PLXNB2: variants seen among roughly 807,000 people sequenced by gnomAD.
PLXNB2 encodes plexin-B2.
In PLXNB2, 85 loss-of-function variants were observed where a neutral mutation model predicts 202.6. The observed-to-expected ratio is 0.42, with a 90% CI of 0.35 to 0.50. The LOEUF (loss-of-function observed/expected upper bound fraction) is 0.50. PLXNB2 is among the 20% of genes least tolerant of loss of function. PLXNB2 has a pLI of 0.02. For missense variants in PLXNB2, 2,063 were observed against 2,586.2 expected (o/e 0.80, Z 4.39); for synonymous variants, 1,239 against 1,137.6 (o/e 1.09, Z -1.79).
Position 50,287,122 on chromosome 22 carries a change from G to A in PLXNB2, c.1751C>T (p.Pro584Leu), listed in dbSNP as rs557311559. 46 of 1,523,896 alleles carry A rather than the reference G, an allele frequency of 3.0e-5. No individual in the cohort carries two copies. Among genetic ancestry groups the A allele is most frequent in the African/African-American group, 1.8e-4 (13 of 72,380 alleles). The allele number at this position is 1,523,896 out of a possible 1,614,324, so 94.4% of individuals were successfully genotyped here. A position where few individuals can be genotyped will look rare whatever the true frequency, so the allele number is the denominator to read the frequency against. The change falls in exon 8 of 37, where the codon CCG becomes CTG. Residue 584 changes from proline to leucine, a missense_variant. Physicochemically the swap from Pro to Leu is moderately conservative, Grantham distance 98. This residue lies in a region of PLXNB2 where 1,303 missense variants were observed against 1,476.8 expected (regional missense o/e 0.88). Coordinates refer to ENST00000359337, the MANE Select transcript of PLXNB2 (RefSeq NM_012401.4). Reference sequence around the variant, plus strand: ...GGAAGGGGCCTCACCCTGGCCTGGCGGTGTGACGGGGATGCTGCTTGGGGA... The same window carrying A: ...GGAAGGGGCCTCACCCTGGCCTGGCAGTGTGACGGGGATGCTGCTTGGGGA... ...CNSPSSIPVT[P>L]PGQDHVAVTI... is the part of the protein sequence containing the mutation.
Position 50,288,715 on chromosome 22 carries a change from G to C in PLXNB2, c.1380+28C>G. 1 of 1,611,448 alleles carries C rather than the reference G, an allele frequency of 6.2e-7. No individual in the cohort carries two copies. Among genetic ancestry groups the C allele is most frequent in the Non-Finnish European group, 8.5e-7 (1 of 1,179,366 alleles). ...AATGACCGGGCACACTTGGCCTAGAGTGCTCTCCGGGGCTGCGTCTGGCTC... is the reference window on the plus strand; with the variant it reads ...AATGACCGGGCACACTTGGCCTAGACTGCTCTCCGGGGCTGCGTCTGGCTC... On this transcript the variant is annotated intron_variant, in intron 5 of 36. Coordinates refer to ENST00000359337, the MANE Select transcript of PLXNB2 (RefSeq NM_012401.4). The surrounding 1 kb of genome is among the most constrained non-coding windows in gnomAD (Gnocchi z 5.0).
rs747469276 is a variant in PLXNB2 at position 50,284,110 on chromosome 22, C to G, written c.2263+22G>C. The G allele has an allele frequency of 6.2e-7, 1 of 1,607,648 alleles. No individual in the cohort carries two copies. The highest frequency in any genetic ancestry group is 8.5e-7 in the Non-Finnish European group (1 of 1,178,288). ...TGCCCACCCGTCCCCTGCCCGCCCC[C>G]CACTGCGCCCGTGGCCCCCACCATG... On this transcript the variant is annotated intron_variant, in intron 13 of 36. Transcript: ENST00000359337. This position sits in a 1 kb window ranked among gnomAD's most constrained non-coding sequence, Gnocchi z 8.0.
At position 50,297,292 on chromosome 22, in the gene PLXNB2, C is replaced by T. The variant is rs984387665; in HGVS notation, c.-73-2514G>A. 1.3e-5 allele frequency among the ~76,000 whole-genome samples: 2 copies of T among 152,182 alleles called. No homozygotes were observed. Among genetic ancestry groups the T allele is most frequent in the African/African-American group, 4.8e-5 (2 of 41,436 alleles). On this transcript the variant is annotated intron_variant, in intron 1 of 36. Transcript: ENST00000359337. This position sits in a 1 kb window ranked among gnomAD's most constrained non-coding sequence, Gnocchi z 5.3. The stretch of plus-strand genomic sequence containing the variant: ...CACGGGCCCAGGCCCCAGGCGTGGG[C>T]GGGGGCAGCCAAGGTCAGGGGAGGC...
At chr22:50,302,026 G>A (rs904692567) in intron 1 of PLXNB2, among the ~76,000 whole-genome samples, 4 of 152,248 alleles carry the variant, frequency 2.6e-5, no homozygotes, top group South Asian at 2.1e-4. Flanking sequence ...GCCTCAGGCC[G>A]GGGCACTTGG....
intron 1 of PLXNB2, among the ~76,000 whole-genome samples, chr22:50,296,285 A>G (rs1477975706): frequency 6.9e-5 from 10 of 144,668 alleles, no homozygotes; most frequent in African/African-American, 2.9e-4. Flanking sequence ...GTGTGGTGGT[A>G]CAGCCTGAAG....
intron 8 of PLXNB2, among the ~76,000 whole-genome samples, chr22:50,286,695 G>A (rs1307577420): frequency 6.6e-6 from 1 of 152,224 alleles, no homozygotes; most frequent in Non-Finnish European, 1.5e-5. Flanking sequence ...CAAAACTCAG[G>A]GGACATGGGC....
chr22:50,305,189 C>A (rs1318658159), intron 1 of PLXNB2, among the ~76,000 whole-genome samples: 2 of 152,226 alleles, frequency 1.3e-5, no homozygotes, highest in African/African-American at 4.8e-5. Flanking sequence ...CAGGGTGAGG[C>A]AGGGGGCAGG....
rs2066787922 is a variant in PLXNB2 at position 50,290,498 on chromosome 22, G to C, written c.87C>G (p.Arg29=). 6.2e-7 allele frequency: 1 copy of C among 1,612,684 alleles called. No individual in the cohort carries two copies. The highest frequency in any genetic ancestry group is 1.3e-5 in the African/African-American group (1 of 74,944). Residue 29 remains arginine (R), a synonymous_variant, in exon 3 of 37, where the codon CGC becomes CGG. Coordinates refer to ENST00000359337, the MANE Select transcript of PLXNB2 (RefSeq NM_012401.4). ...CCAGGTGGTTCAGCTCTTTCTCGCT[G>C]CGGAAGAAGTCCAGCTTGCGGGGCC... ...SLRPRKLDFF[R]SEKELNHLAV... is the part of the protein sequence containing the mutation.
intron 1 of PLXNB2, among the ~76,000 whole-genome samples, chr22:50,296,578 A>G (rs901520573): frequency 7.0e-6 from 1 of 143,392 alleles, no homozygotes; most frequent in African/African-American, 2.7e-5. Context: ...GGGAAAGAGC[A>G]AGACTCTGTC....
rs1014216734 is a variant in PLXNB2, at chr22:50,307,306, G to A, written c.-74+247C>T. Among the ~76,000 whole-genome samples the A allele has an allele frequency of 6.6e-5, 10 of 151,994 alleles. 1 individual carries two copies. Among genetic ancestry groups the A allele is most frequent in the Admixed American group, 5.2e-4 (8 of 15,280 alleles). ...GGATCCGACGCGGCTCCGGAGGGAC[G>A]CGCAGCCCCCGCCGCCGGGCCCGTC... On this transcript the variant is annotated intron_variant, in intron 1 of 36. Transcript: ENST00000359337.
rs201443345 is a variant in PLXNB2 at position 50,293,473 on chromosome 22, CT to C, written c.-14+1245del. ...CAGGCAACGTCCAGGCCCCTCGGCC[CT>C]GCGCCCAGGCCTGCTGCCCTCCCCT... On this transcript the variant is annotated intron_variant, in intron 2 of 36. Transcript: ENST00000359337. 2.1e-3 allele frequency among the ~76,000 whole-genome samples: 318 copies of C among 152,302 alleles called. 1 individual carries two copies. The highest frequency in any genetic ancestry group is 7.3e-3 in the African/African-American group (302 of 41,570).
chr22:50,285,978 G>T lies in PLXNB2; in HGVS notation c.1986+12C>A. Reference sequence around the variant, plus strand: ...GCCCTGAACAGTCCCCTGAGGCCCCGAGGCCCCTCACCATGTGGGCACGGA... The same window carrying T: ...GCCCTGAACAGTCCCCTGAGGCCCCTAGGCCCCTCACCATGTGGGCACGGA... On this transcript the variant is annotated intron_variant, in intron 10 of 36. Coordinates refer to ENST00000359337, the MANE Select transcript of PLXNB2 (RefSeq NM_012401.4). 3 of 1,609,778 alleles carry T rather than the reference G, an allele frequency of 1.9e-6. No individual in the cohort carries two copies. The highest frequency in any genetic ancestry group is 2.5e-6 in the Non-Finnish European group (3 of 1,177,522).
At chr22:50,279,511 G>C in intron 27 of PLXNB2, 119 bp downstream of exon 27, 1 of 989,314 alleles carries the variant, frequency 1.0e-6, no homozygotes, top group East Asian at 2.4e-5. Context: ...GCTGTAACTC[G>C]AATCCACAGA....
At chr22:50,286,790 G>A (rs1347436642) in intron 8 of PLXNB2, among the ~76,000 whole-genome samples, 2 of 152,222 alleles carry the variant, frequency 1.3e-5, no homozygotes, top group Admixed American at 6.5e-5. Context: ...GCAGGAAGGG[G>A]TGAGGGGCGT....
intron 1 of PLXNB2, among the ~76,000 whole-genome samples, chr22:50,298,497 G>T (rs1355292387): frequency 6.6e-6 from 1 of 152,226 alleles, no homozygotes; most frequent in Non-Finnish European, 1.5e-5. Context: ...TCCAGATGAG[G>T]CCAAGAGTGG....
Position 50,282,806 on chromosome 22 carries a change from G to A in PLXNB2, c.2892C>T (p.Ser964=), listed in dbSNP as rs372944137. The A allele has an allele frequency of 3.1e-6, 5 of 1,612,428 alleles. No individual in the cohort carries two copies. Among genetic ancestry groups the A allele is most frequent in the Non-Finnish European group, 4.2e-6 (5 of 1,179,470 alleles). ...ATRGQMLLEV[S]YGGSPVPNPG... Reference sequence around the variant, plus strand: ...GGTTGGGCACGGGGGACCCCCCGTAGGAGACCTCCAGAAGCATCTGGCCCC... The same window carrying A: ...GGTTGGGCACGGGGGACCCCCCGTAAGAGACCTCCAGAAGCATCTGGCCCC... The change falls in exon 18 of 37, where the codon TCC becomes TCT. Residue 964 remains serine, a synonymous_variant. Coordinates refer to ENST00000359337, the MANE Select transcript of PLXNB2 (RefSeq NM_012401.4).
rs373995704 is a variant in PLXNB2 at position 50,289,146 on chromosome 22, C to G, written c.1069-4G>C. 4 of 1,557,684 alleles carry G rather than the reference C, an allele frequency of 2.6e-6. No homozygotes were observed. The highest frequency in any genetic ancestry group is 3.5e-6 in the Non-Finnish European group (4 of 1,152,632). On this transcript the variant is annotated splice_polypyrimidine_tract_variant and splice_region_variant and intron_variant, in intron 3 of 36. Coordinates refer to ENST00000359337, the MANE Select transcript of PLXNB2 (RefSeq NM_012401.4). The surrounding 1 kb of genome is among the most constrained non-coding windows in gnomAD (Gnocchi z 8.0). ...ATGGGAAGCTCTTGCTGGAGCCCTGCGGACCACAGCGTGTCAATGGCAGGC... is the reference window on the plus strand; with the variant it reads ...ATGGGAAGCTCTTGCTGGAGCCCTGGGGACCACAGCGTGTCAATGGCAGGC...
chr22:50,296,342 G>A (rs2067267724), intron 1 of PLXNB2, among the ~76,000 whole-genome samples: 1 of 152,090 alleles, frequency 6.6e-6, no homozygotes, highest in Non-Finnish European at 1.5e-5. Context: ...AGCCCAGGAG[G>A]TCTAGGCTGC....
chr22:50,293,443 G>A (rs537868857), intron 2 of PLXNB2, among the ~76,000 whole-genome samples: 39 of 152,290 alleles, frequency 2.6e-4, no homozygotes, highest in African/African-American at 4.3e-4. Context: ...TGGCGCCAGC[G>A]GGGGCAGGCA....
Sources: allele counts gnomAD v4.1 joint callset (sites outside exome capture counted in the v4.1 genomes callset), GRCh38; gene constraint gnomAD v4.1.1; regional missense constraint gnomAD v4.1.1; non-coding constraint Gnocchi (gnomAD v3.1); transcripts MANE v1.5; gene names NCBI Gene and HGNC (gene_info 2026-07-23, HGNC 2026-07-21).